BTNL8: variants seen among roughly 807,000 people sequenced by gnomAD.
BTNL8 encodes butyrophilin like 8.
Under a neutral mutation model 36.1 loss-of-function variants are expected in BTNL8, and 22 were observed. That is an observed-to-expected ratio of 0.61 (90% CI 0.44 to 0.87). The LOEUF (loss-of-function observed/expected upper bound fraction) is 0.87. Ranked by LOEUF, BTNL8 falls within the 40% of genes least tolerant of loss-of-function variation. The pLI is 0.00. For synonymous variants in BTNL8, 203 were observed against 235.6 expected (o/e 0.86, Z 1.27); for missense variants, 526 against 616.9 (o/e 0.85, Z 1.56).
At chr5:180,942,784 C>A (rs932278755) in intron 3 of BTNL8, among the ~76,000 whole-genome samples, 3 of 152,116 alleles carry the variant, frequency 2.0e-5, no homozygotes, top group African/African-American at 7.2e-5. Context: ...TAAAAATAAA[C>A]TCTTGATGAA....
rs139150861 is a variant in BTNL8 at position 180,910,722 on chromosome 5, G to C, written c.398-617G>C. 3.0e-3 allele frequency among the ~76,000 whole-genome samples: 456 copies of C among 152,130 alleles called. 5 individuals are homozygous for C. Among genetic ancestry groups the C allele is most frequent in the African/African-American group, 0.01 (426 of 41,486 alleles). ...CTGCCATTCCCCCATGACAGAAAAG[G>C]CAAACTCCAAGACACTTTTCTCTAC... On this transcript the variant is annotated intron_variant, in intron 2 of 7. Transcript: ENST00000340184.
At chr5:180,938,473 T>A (rs759394783) in intron 3 of BTNL8, among the ~76,000 whole-genome samples, 6 of 151,862 alleles carry the variant, frequency 4.0e-5, no homozygotes, top group Admixed American at 6.6e-5. Context: ...TCATGCTACG[T>A]ACAAGAGAAT....
rs865815285 is a variant in BTNL8 at position 180,949,976 on chromosome 5, GA to G, written c.939del (p.Ala314LeufsTer56). 1 of 1,462,238 alleles carries G rather than the reference GA, an allele frequency of 6.8e-7. No individual in the cohort carries two copies. Among genetic ancestry groups the G allele is most frequent in the African/African-American group, 1.4e-5 (1 of 72,312 alleles). The allele number at this position is 1,462,238 out of a possible 1,614,324, so 90.6% of individuals were successfully genotyped here. On this transcript the variant is annotated frameshift_variant, in exon 8 of 8. Transcript: ENST00000340184. LOFTEE classifies it low-confidence loss of function (END_TRUNC). ...CVSDLKTVTH[R>X]KAPQEVPHSE... ...TCTGATCTGAAAACTGTAACCCATA[GA>G]AAAGCTCCCCAGGAGGTGCCTCACT...
chr5:180,901,576 G>A (rs935982414), intron 1 of BTNL8, among the ~76,000 whole-genome samples: 3 of 152,208 alleles, frequency 2.0e-5, no homozygotes, highest in Non-Finnish European at 4.4e-5. Flanking sequence ...GCTCTGTGCT[G>A]ATCAAGTGGG....
intron 3 of BTNL8, among the ~76,000 whole-genome samples, chr5:180,932,454 C>A (rs1758436319): frequency 6.6e-6 from 1 of 152,196 alleles, no homozygotes; most frequent in African/African-American, 2.4e-5. Flanking sequence ...TGACGCCATT[C>A]TCCTGCCTCA....
intron 3 of BTNL8, among the ~76,000 whole-genome samples, chr5:180,938,877 T>G: frequency 6.6e-6 from 1 of 151,596 alleles, no homozygotes. Flanking sequence ...TCTTCGGAAA[T>G]AAAGAAGAAA....
At chr5:180,902,475 A>ATTGGGCTGGGCTGGAGATGT in intron 1 of BTNL8, 2 of 1,445,576 alleles carry the variant, frequency 1.4e-6, no homozygotes, top group South Asian at 1.2e-5. Flanking sequence ...GCACATCTCC[A>ATTGGGCTGGGCTGGAGATGT]GCCCAGCCCA....
At chr5:180,916,977 G>A (rs1455046854) in intron 3 of BTNL8, among the ~76,000 whole-genome samples, 1 of 151,946 alleles carries the variant, frequency 6.6e-6, no homozygotes, top group Non-Finnish European at 1.5e-5. Flanking sequence ...AAAAATCATA[G>A]GCCAACAAAC....
At chr5:180,924,909 A>G (rs1479066138) in intron 3 of BTNL8, among the ~76,000 whole-genome samples, 1 of 152,154 alleles carries the variant, frequency 6.6e-6, no homozygotes, top group African/African-American at 2.4e-5. Context: ...AAAATAAATA[A>G]CATTTGAAAA....
chr5:180,902,053 A>G (rs1407583620), intron 1 of BTNL8, among the ~76,000 whole-genome samples: 1 of 152,220 alleles, frequency 6.6e-6, no homozygotes, highest in Non-Finnish European at 1.5e-5. Flanking sequence ...AAATATTGAT[A>G]TAATATTGTG....
rs1758624084 is a variant in BTNL8, at chr5:180,935,755, C to A, written c.674-11757C>A. ...GCCCCCTCCCAGCCCCACCTGGCTC[C>A]ATGGAGCACATGGCCCCAGCCACAC... On this transcript the variant is annotated intron_variant, in intron 3 of 7. Transcript: ENST00000340184. This position sits in a 1 kb window ranked among gnomAD's most constrained non-coding sequence, Gnocchi z 4.8. 6.6e-6 allele frequency among the ~76,000 whole-genome samples: 1 copy of A among 152,032 alleles called. No homozygotes were observed. Among genetic ancestry groups the A allele is most frequent in the African/African-American group, 2.4e-5 (1 of 41,374 alleles).
intron 3 of BTNL8, among the ~76,000 whole-genome samples, chr5:180,921,975 G>A (rs189810957): frequency 4.3e-4 from 66 of 152,090 alleles, no homozygotes; most frequent in African/African-American, 1.5e-3. Context: ...TTTCTAGTTT[G>A]TGTGAATAGA....
intron 4 of BTNL8, 132 bp downstream of exon 4, chr5:180,947,757 T>C: frequency 1.2e-6 from 2 of 1,613,814 alleles, no homozygotes; most frequent in Non-Finnish European, 1.7e-6. Context: ...CCCAAAAAAG[T>C]AATCATCCTT....
At chr5:180,949,337 C>G (rs2113027462) in intron 7 of BTNL8, 72 bp downstream of exon 7, 2 of 1,454,910 alleles carry the variant, frequency 1.4e-6, no homozygotes, top group South Asian at 2.2e-5. Flanking sequence ...TGAACAGGGA[C>G]AGATACGGGA....
At chr5:180,912,589 G>T (rs1323693961) in intron 3 of BTNL8, among the ~76,000 whole-genome samples, 3 of 152,070 alleles carry the variant, frequency 2.0e-5, no homozygotes, top group Non-Finnish European at 4.4e-5. Flanking sequence ...TCTGAGCTGG[G>T]ATTACTGTGT....
In BTNL8 at chr5:180,950,670, G is replaced by C. The variant is rs866235210; in HGVS notation, c.*126G>C. The C allele has an allele frequency of 4.0e-6, 4 of 1,000,504 alleles. 1 individual carries two copies. The highest frequency in any genetic ancestry group is 5.7e-6 in the Non-Finnish European group (4 of 696,596). 62.0% of individuals were successfully genotyped at this position (1,000,504 alleles called of 1,614,324 possible). On this transcript the variant is annotated 3_prime_UTR_variant, in exon 8 of 8. Coordinates refer to ENST00000340184, the MANE Select transcript of BTNL8 (RefSeq NM_001040462.3). ...GACTGGCCTGTCCACATGGGAGTCA[G>C]GTGTCATGGCTGCCCTGAGCTGGGA...
At chr5:180,907,777 C>T (rs1445879437) in intron 1 of BTNL8, among the ~76,000 whole-genome samples, 34 of 151,758 alleles carry the variant, frequency 2.2e-4, no homozygotes, top group African/African-American at 6.8e-4. Flanking sequence ...AGTACCCTGC[C>T]GTGTGAGGTG....
chr5:180,949,512 C>G lies in BTNL8; in HGVS notation c.862+247C>G, dbSNP rs1159587054. 12 of 628,952 alleles carry G rather than the reference C, an allele frequency of 1.9e-5. 3 individuals are homozygous for G. Among genetic ancestry groups the G allele is most frequent in the Non-Finnish European group, 3.1e-5 (12 of 386,080 alleles). The allele number at this position is 628,952 out of a possible 1,614,324, so 39.0% of individuals were successfully genotyped here. A position where few individuals can be genotyped will look rare whatever the true frequency, so the allele number is the denominator to read the frequency against. ...GACGGGGGGGTCTTTGGCACAGTTT[C>G]AGGGAATTGAGGGCACTAGTGACTG... On this transcript the variant is annotated intron_variant, in intron 7 of 7. Coordinates refer to ENST00000340184, the MANE Select transcript of BTNL8 (RefSeq NM_001040462.3).
rs1000587643 is a variant in BTNL8, at chr5:180,949,344, G to A, written c.862+79G>A. 14 of 1,451,210 alleles carry A rather than the reference G, an allele frequency of 9.6e-6. 4 individuals are homozygous for A. In the East Asian group the frequency reaches 1.2e-4, roughly 13 times the overall value. The allele number at this position is 1,451,210 out of a possible 1,614,324, so 89.9% of individuals were successfully genotyped here. A position where few individuals can be genotyped will look rare whatever the true frequency, so the allele number is the denominator to read the frequency against. On this transcript the variant is annotated intron_variant, in intron 7 of 7. Coordinates refer to ENST00000340184, the MANE Select transcript of BTNL8 (RefSeq NM_001040462.3). ...GGGGGAACTGAACAGGGACAGATAC[G>A]GGAACACAGAGTGATGCTGAGACCC...
Sources: gnomAD v4.1 joint callset for allele counts (sites outside exome capture counted in the v4.1 genomes callset) on GRCh38, gnomAD v4.1.1 for gene constraint, Gnocchi (gnomAD v3.1) non-coding constraint, MANE v1.5 for transcripts, NCBI Gene and HGNC (gene_info 2026-07-23, HGNC 2026-07-21) for gene names.